The following REEP1 variants were observed in gnomAD, a reference collection of about 807,000 sequenced individuals.
REEP1 encodes receptor accessory protein 1, also known as receptor expression-enhancing protein 1.
In REEP1, 22 loss-of-function variants were observed where a neutral mutation model predicts 40.3. That is an observed-to-expected ratio of 0.55 (90% CI 0.39 to 0.78). The LOEUF is 0.78. Among genes scored for constraint, REEP1 ranks in the 30% least tolerant of loss-of-function variants. REEP1 has a pLI of 0.00. For missense variants in REEP1, 280 were observed against 361.1 expected (o/e 0.78, Z 1.82); for synonymous variants, 116 against 139.2 (o/e 0.83, Z 1.17).
At chr2:86,253,425 G>T (rs541385693) in intron 4 of REEP1, among the ~76,000 whole-genome samples, 4 of 152,260 alleles carry the variant, frequency 2.6e-5, no homozygotes, top group African/African-American at 9.6e-5. Context: ...GCAACCTCCT[G>T]CTGGATTCCC....
chr2:86,238,168 C>T (rs1482188893), intron 5 of REEP1, among the ~76,000 whole-genome samples: 1 of 152,086 alleles, frequency 6.6e-6, no homozygotes, highest in Non-Finnish European at 1.5e-5. Context: ...ACAACAAGAG[C>T]AAAACTCTGT....
At chr2:86,242,222 C>A (rs774511698) in intron 5 of REEP1, among the ~76,000 whole-genome samples, 1 of 152,108 alleles carries the variant, frequency 6.6e-6, no homozygotes, top group Non-Finnish European at 1.5e-5. Flanking sequence ...GGTGAAGAAG[C>A]GAGGTTCACA....
intron 5 of REEP1, among the ~76,000 whole-genome samples, chr2:86,240,507 C>A (rs546697686): frequency 6.6e-6 from 1 of 152,272 alleles, no homozygotes; most frequent in African/African-American, 2.4e-5. Flanking sequence ...AAGGCACGTG[C>A]TGGCGGGGAA....
intron 7 of REEP1, among the ~76,000 whole-genome samples, chr2:86,224,623 C>T (rs923858299): frequency 3.3e-5 from 5 of 152,200 alleles, no homozygotes; most frequent in African/African-American, 1.2e-4. Flanking sequence ...AGGACAACGG[C>T]TTCCAGGTCT....
intron 1 of REEP1, among the ~76,000 whole-genome samples, chr2:86,316,867 T>A (rs555589386): frequency 7.9e-5 from 12 of 151,986 alleles, no homozygotes; most frequent in East Asian, 3.9e-4. Flanking sequence ...CTCAAAAAAA[T>A]AATAATAATA....
At chr2:86,278,449 G>A (rs992520471) in intron 2 of REEP1, among the ~76,000 whole-genome samples, 62 of 152,292 alleles carry the variant, frequency 4.1e-4, no homozygotes, top group Admixed American at 1.0e-3. Context: ...AGCAACTTAC[G>A]GAATCTGGAT....
In REEP1 at chr2:86,316,548, C is replaced by CAAAAAA. The variant is rs58561932; in HGVS notation, c.32+20925_32+20930dup. On this transcript the variant is annotated intron_variant, in intron 1 of 8. Coordinates refer to ENST00000538924, the MANE Select transcript of REEP1 (RefSeq NM_001371279.1). ...AGGCAACAAGAACGAAACTCTGTCT[C>CAAAAAA]AAAAAAAAAAAAAAAAAAAAATCAA... 3.5e-3 allele frequency among the ~76,000 whole-genome samples: 247 copies of CAAAAAA among 70,416 alleles called. 3 individuals are homozygous for CAAAAAA. Among genetic ancestry groups the CAAAAAA allele is most frequent in the South Asian group, 8.1e-3 (13 of 1,600 alleles). The allele number at this position is 70,416 out of a possible 152,430, so 46.2% of individuals were successfully genotyped here. A position where few individuals can be genotyped will look rare whatever the true frequency, so the allele number is the denominator to read the frequency against.
chr2:86,273,059 A>G (rs1677545450), intron 2 of REEP1, among the ~76,000 whole-genome samples: 2 of 151,856 alleles, frequency 1.3e-5, no homozygotes, highest in Admixed American at 6.6e-5. Context: ...GGGGAGGTCA[A>G]GGCTGCAGTG....
chr2:86,293,763 T>C (rs897373167), intron 1 of REEP1, among the ~76,000 whole-genome samples: 15 of 152,242 alleles, frequency 9.9e-5, no homozygotes, highest in African/African-American at 2.4e-5. Flanking sequence ...GCTGGTCTTA[T>C]ACGTTTAGTT....
chr2:86,290,985 A>G (rs567046942), intron 1 of REEP1, among the ~76,000 whole-genome samples: 1 of 152,232 alleles, frequency 6.6e-6, no homozygotes, highest in East Asian at 1.9e-4. Context: ...ATTGTGACTT[A>G]TAAGCCATTT....
chr2:86,329,169 GC>G (rs1173652561), intron 1 of REEP1, among the ~76,000 whole-genome samples: 1 of 152,202 alleles, frequency 6.6e-6, no homozygotes, highest in Non-Finnish European at 1.5e-5. Flanking sequence ...ACGTTCAGAT[GC>G]TTCTCTTCTC....
chr2:86,245,764 ATTT>A (rs869240092), intron 5 of REEP1, among the ~76,000 whole-genome samples: 2 of 133,884 alleles, frequency 1.5e-5, no homozygotes, highest in African/African-American at 2.7e-5. Flanking sequence ...CATATACTCA[ATTT>A]TTTTTTTTTT....
At chr2:86,317,872 T>C (rs1279653475) in intron 1 of REEP1, among the ~76,000 whole-genome samples, 1 of 152,196 alleles carries the variant, frequency 6.6e-6, no homozygotes, top group Non-Finnish European at 1.5e-5. Context: ...AATTATCCGC[T>C]TTTTTTCATG....
chr2:86,262,070 G>A lies in REEP1; in HGVS notation c.182+1895C>T, dbSNP rs574991869. On this transcript the variant is annotated intron_variant, in intron 3 of 8. Coordinates refer to ENST00000538924, the MANE Select transcript of REEP1 (RefSeq NM_001371279.1). Reference sequence around the variant, plus strand: ...TGCGACCCTGACACATCCCCCTCTCGGAGAAACACCCACGAATGATCAATA... The same window carrying A: ...TGCGACCCTGACACATCCCCCTCTCAGAGAAACACCCACGAATGATCAATA... Among the ~76,000 whole-genome samples, 432 of 152,250 alleles carry A rather than the reference G, an allele frequency of 2.8e-3. 4 individuals are homozygous for A. The highest frequency in any genetic ancestry group is 9.7e-3 in the African/African-American group (403 of 41,542).
chr2:86,246,797 G>A (rs180797487), intron 5 of REEP1, among the ~76,000 whole-genome samples: 6 of 150,660 alleles, frequency 4.0e-5, no homozygotes, highest in Admixed American at 4.0e-4. Flanking sequence ...CACCTCCTGA[G>A]TTCAAGAGAT....
At chr2:86,315,813 T>C (rs1283375446) in intron 1 of REEP1, among the ~76,000 whole-genome samples, 1 of 152,200 alleles carries the variant, frequency 6.6e-6, no homozygotes, top group East Asian at 1.9e-4. Context: ...GGGTGGGTCC[T>C]GGCTGGTTTC....
intron 4 of REEP1, among the ~76,000 whole-genome samples, 160 bp downstream of exon 4, chr2:86,254,534 G>A (rs1031805837): frequency 3.9e-5 from 6 of 151,956 alleles, no homozygotes; most frequent in African/African-American, 1.2e-4. Context: ...TTCTAAACAC[G>A]TCTCAGAAAT....
At chr2:86,242,479 G>A (rs1185341153) in intron 5 of REEP1, among the ~76,000 whole-genome samples, 1 of 152,106 alleles carries the variant, frequency 6.6e-6, no homozygotes, top group Non-Finnish European at 1.5e-5. Context: ...TGGGATCAGA[G>A]GAGGCTTCAT....
intron 7 of REEP1, among the ~76,000 whole-genome samples, chr2:86,226,414 TG>T (rs2104002196): frequency 1.5e-5 from 1 of 65,830 alleles, no homozygotes; most frequent in Non-Finnish European, 5.4e-5. Flanking sequence ...CTGAAGTTCC[TG>T]TGTCCTTACC....
Sources: gnomAD v4.1 joint callset for allele counts (sites outside exome capture counted in the v4.1 genomes callset) on GRCh38, gnomAD v4.1.1 for gene constraint, MANE v1.5 for transcripts, NCBI Gene and HGNC (gene_info 2026-07-23, HGNC 2026-07-21) for gene names.